Variants in CUBN observed in about 807,000 individuals in gnomAD.
CUBN encodes cubilin, also known as 460 kDa receptor.
In CUBN, 282 loss-of-function variants were observed where a neutral mutation model predicts 405.3. The observed-to-expected ratio is 0.70, with a 90% CI of 0.63 to 0.77. The LOEUF (loss-of-function observed/expected upper bound fraction) is 0.77, where lower values mean the gene tolerates loss of function less well. Ranked by LOEUF, CUBN falls within the 30% of genes least tolerant of loss-of-function variation. CUBN has a pLI of 0.00. For missense variants in CUBN, 4,514 were observed against 4,475.2 expected, an observed-to-expected ratio of 1.01 and a Z score of -0.25; for synonymous variants, 1,684 against 1,617.0, an observed-to-expected ratio of 1.04 and a Z score of -0.99.
At chr10:17,020,921 T>C (rs1192121276) in intron 27 of CUBN, among the ~76,000 whole-genome samples, 1 of 152,202 alleles carries the variant, frequency 6.6e-6, no homozygotes, top group African/African-American at 2.4e-5. Context: ...TATGGCTCTT[T>C]ATAAAATATT....
At chr10:16,858,331 G>T (rs1028795465) in intron 59 of CUBN, among the ~76,000 whole-genome samples, 6 of 152,050 alleles carry the variant, frequency 3.9e-5, no homozygotes, top group African/African-American at 1.2e-4. Flanking sequence ...ATTTATTTAC[G>T]TTTTTTTAGG....
chr10:17,110,148 T>C (rs774260955), intron 9 of CUBN, among the ~76,000 whole-genome samples: 52 of 152,178 alleles, frequency 3.4e-4, no homozygotes, highest in Non-Finnish European at 6.8e-4. Flanking sequence ...CTGAACTTCT[T>C]GGGTAGTAAT....
intron 22 of CUBN, among the ~76,000 whole-genome samples, chr10:17,060,269 G>A (rs1378192633): frequency 3.3e-5 from 5 of 151,976 alleles, no homozygotes; most frequent in African/African-American, 7.2e-5. Flanking sequence ...TTACAGGCAT[G>A]AGCCACCACG....
chr10:16,871,956 G>A (rs1840366235), intron 58 of CUBN, among the ~76,000 whole-genome samples: 1 of 152,158 alleles, frequency 6.6e-6, no homozygotes, highest in Non-Finnish European at 1.5e-5. Flanking sequence ...TGGGTGTGGT[G>A]GCTCACACCT....
Position 16,831,272 on chromosome 10 carries a change from A to T in CUBN, c.10508T>A (p.Ile3503Asn), listed in dbSNP as rs761464411. 6.2e-7 allele frequency: 1 copy of T among 1,613,962 alleles called. No homozygotes were observed. The highest frequency in any genetic ancestry group is 8.5e-7 in the Non-Finnish European group (1 of 1,179,934). The change falls in exon 65 of 67, where the codon ATC becomes AAC. Residue 3503 changes from isoleucine (I) to asparagine (N), a missense_variant. By Grantham distance (149) the Ile-to-Asn change is moderately radical. Transcript: ENST00000377833. ...SVTSDRGYEI[I>N]WTSSPSGCGG... ...CTTACCAGAGGGTGATGAAGTCCAGATGATTTCATATCCACGATCAGAAGT... is the reference window on the plus strand; with the variant it reads ...CTTACCAGAGGGTGATGAAGTCCAGTTGATTTCATATCCACGATCAGAAGT...
At chr10:16,958,367 C>CA (rs1426911051) in intron 31 of CUBN, among the ~76,000 whole-genome samples, 15 of 151,262 alleles carry the variant, frequency 9.9e-5, no homozygotes, top group African/African-American at 2.9e-4. Flanking sequence ...ACTAAAAATA[C>CA]AAAAAACAAT....
At chr10:17,116,052 T>C (rs1243551429) in intron 6 of CUBN, among the ~76,000 whole-genome samples, 1 of 152,158 alleles carries the variant, frequency 6.6e-6, no homozygotes, top group African/African-American at 2.4e-5. Flanking sequence ...CCACACGCAA[T>C]CCAGTGTCCA....
At chr10:17,015,168 G>A (rs1213951108) in intron 28 of CUBN, among the ~76,000 whole-genome samples, 1 of 152,188 alleles carries the variant, frequency 6.6e-6, no homozygotes, top group Non-Finnish European at 1.5e-5. Flanking sequence ...AATCCTTTAT[G>A]AGCTTCAGGC....
Position 16,984,157 on chromosome 10 carries a change from G to A in CUBN, c.4473C>T (p.Asp1491=). The A allele has an allele frequency of 6.2e-7, 1 of 1,614,186 alleles. No homozygotes were observed. The highest frequency in any genetic ancestry group is 8.5e-7 in the Non-Finnish European group (1 of 1,180,040). Residue 1491 remains aspartate (D), a synonymous_variant, in exon 30 of 67, where the codon GAC becomes GAT. Coordinates refer to ENST00000377833, the MANE Select transcript of CUBN (RefSeq NM_001081.4). ...GNELAIRFKT[D]LSINGRGFNA... ...TGAAGCCTCTCCCATTTATGGACAA[G>A]TCGGTCTTGAATCGAATTGCTAGCT...
rs750462231 is a variant in CUBN at position 16,892,598 on chromosome 10, C to T, written c.8599-2071G>A. Among the ~76,000 whole-genome samples the T allele has an allele frequency of 3.9e-5, 6 of 152,222 alleles. 1 individual carries two copies. The highest frequency in any genetic ancestry group is 6.8e-3 in the Middle Eastern group (2 of 294). On this transcript the variant is annotated intron_variant, in intron 54 of 66. Transcript: ENST00000377833. ...CCTCGACCTTCTGGACTCAGGTGAT[C>T]TTCCCACCTCAGCCTCCCAAGTAGC...
At chr10:17,013,133 T>C (rs1834229136) in intron 28 of CUBN, among the ~76,000 whole-genome samples, 1 of 152,228 alleles carries the variant, frequency 6.6e-6, no homozygotes, top group South Asian at 2.1e-4. Context: ...TTTAAAGGAA[T>C]AGGGTACACT....
chr10:16,913,952 A>C lies in CUBN; in HGVS notation c.7392T>G (p.Thr2464=), dbSNP rs1214217851. 1 of 1,614,138 alleles carries C rather than the reference A, an allele frequency of 6.2e-7. No homozygotes were observed. Among genetic ancestry groups the C allele is most frequent in the Non-Finnish European group, 8.5e-7 (1 of 1,180,030 alleles). Residue 2464 remains threonine, a synonymous_variant, in exon 48 of 67, where the codon ACT becomes ACG. Transcript: ENST00000377833. ...GATTTGGGTTCGGGTAGTTGGGAGA[A>C]GTAAATGTTCCAATAGAGCCCTGAA... ...GDLQGSIGTF[T]SPNYPNPNPH...
At chr10:17,051,617 C>G (rs1009495698) in intron 22 of CUBN, among the ~76,000 whole-genome samples, 17 of 151,734 alleles carry the variant, frequency 1.1e-4, no homozygotes, top group African/African-American at 3.4e-4. Flanking sequence ...TAAAAGGAAC[C>G]ATGAAAATTA....
chr10:17,043,678 T>C, intron 26 of CUBN, 149 bp downstream of exon 26: 2 of 1,049,876 alleles, frequency 1.9e-6, no homozygotes, highest in Non-Finnish European at 1.5e-6. Flanking sequence ...GTTACACTTA[T>C]TTCAGTTTGT....
chr10:16,860,907 G>A (rs1049393030), intron 59 of CUBN, among the ~76,000 whole-genome samples: 28 of 152,166 alleles, frequency 1.8e-4, no homozygotes, highest in Non-Finnish European at 3.4e-4. Context: ...GCTGGGATGT[G>A]CTTTCTAAAA....
intron 31 of CUBN, among the ~76,000 whole-genome samples, chr10:16,956,829 A>G (rs1420434749): frequency 6.6e-6 from 1 of 152,064 alleles, no homozygotes; most frequent in Non-Finnish European, 1.5e-5. Flanking sequence ...CATTTTTATA[A>G]AAGTTTAAGA....
chr10:16,864,978 G>C (rs1244641143), intron 59 of CUBN, among the ~76,000 whole-genome samples: 1 of 32,182 alleles, frequency 3.1e-5, no homozygotes, highest in Non-Finnish European at 8.0e-5. Flanking sequence ...TTTTTTTTTT[G>C]GGACGGAGTT....
chr10:16,932,232 G>A (rs1462257179), intron 40 of CUBN, among the ~76,000 whole-genome samples: 4 of 152,176 alleles, frequency 2.6e-5, no homozygotes, highest in African/African-American at 9.7e-5. Flanking sequence ...AGGGATCAGG[G>A]ATAAGGGAGA....
intron 54 of CUBN, among the ~76,000 whole-genome samples, chr10:16,898,066 G>GTATA (rs10551726): frequency 0.013 from 1,862 of 145,008 alleles, 51 homozygotes; most frequent in African/African-American, 0.045. Flanking sequence ...TTTATTATAT[G>GTATA]TATATATATA....
Sources: gnomAD v4.1 joint callset for allele counts (sites outside exome capture counted in the v4.1 genomes callset) on GRCh38, gnomAD v4.1.1 for gene constraint, MANE v1.5 for transcripts, NCBI Gene and HGNC (gene_info 2026-07-23, HGNC 2026-07-21) for gene names.